The following NEURL1B variants were observed in gnomAD, a reference collection of about 807,000 sequenced individuals.
The protein encoded by NEURL1B is neuralized E3 ubiquitin protein ligase 1B, also known as E3 ubiquitin-protein ligase NEURL1B.
Under a neutral mutation model 37.4 loss-of-function variants are expected in NEURL1B, and 13 were observed. The ratio of observed to expected loss-of-function variants is 0.35; its 90% CI spans 0.23 to 0.55. The LOEUF (loss-of-function observed/expected upper bound fraction) is 0.55, where lower values mean the gene tolerates loss of function less well. Ranked by LOEUF, NEURL1B falls within the 20% of genes least tolerant of loss-of-function variation. NEURL1B has a pLI of 0.89. For synonymous variants in NEURL1B, 432 were observed against 426.6 expected (o/e 1.01, Z -0.16); for missense variants, 790 against 879.2 (o/e 0.90, Z 1.28).
intron 1 of NEURL1B, among the ~76,000 whole-genome samples, chr5:172,643,003 A>C (rs1561638930): frequency 6.6e-6 from 1 of 152,256 alleles, no homozygotes; most frequent in East Asian, 1.9e-4. Context: ...TATTCTAGTA[A>C]AAAGCCATTC....
intron 2 of NEURL1B, among the ~76,000 whole-genome samples, chr5:172,672,435 C>A (rs1192081009): frequency 6.6e-6 from 1 of 152,152 alleles, no homozygotes; most frequent in African/African-American, 2.4e-5. Flanking sequence ...CAAGAAATCA[C>A]AGCCACTCCA....
rs1037167393 is a variant in NEURL1B at position 172,647,215 on chromosome 5, C to T, written c.31+5778C>T. ...AGGGCTTAAAATAGAAGCCCAGAGGCCAGGTGTGTGGTTAGAGCTTAGAGC... is the reference window on the plus strand; with the variant it reads ...AGGGCTTAAAATAGAAGCCCAGAGGTCAGGTGTGTGGTTAGAGCTTAGAGC... On this transcript the variant is annotated intron_variant, in intron 1 of 4. Transcript: ENST00000369800. This position sits in a 1 kb window ranked among gnomAD's most constrained non-coding sequence, Gnocchi z 4.2. Among the ~76,000 whole-genome samples, 3 of 152,090 alleles carry T rather than the reference C, an allele frequency of 2.0e-5. No homozygotes were observed. Among genetic ancestry groups the T allele is most frequent in the African/African-American group, 7.2e-5 (3 of 41,406 alleles).
intron 1 of NEURL1B, among the ~76,000 whole-genome samples, chr5:172,652,142 G>T (rs935453349): frequency 3.3e-5 from 5 of 152,264 alleles, no homozygotes; most frequent in Admixed American, 6.5e-5. Context: ...GAGACACGAA[G>T]TGAACTTAGT....
chr5:172,656,764 G>T (rs966383850), intron 1 of NEURL1B: 7 of 745,076 alleles, frequency 9.4e-6, no homozygotes, highest in East Asian at 7.9e-5. Flanking sequence ...AGAAGGCAAA[G>T]AATTGAACAC....
chr5:172,642,040 A>G (rs930173074), intron 1 of NEURL1B, among the ~76,000 whole-genome samples: 3 of 152,144 alleles, frequency 2.0e-5, no homozygotes, highest in African/African-American at 7.2e-5. Context: ...CCCCCTAGTT[A>G]AAATCGCCCC....
intron 2 of NEURL1B, among the ~76,000 whole-genome samples, chr5:172,680,988 G>A (rs976189314): frequency 4.6e-5 from 7 of 152,334 alleles, no homozygotes; most frequent in Non-Finnish European, 5.9e-5. Context: ...CAGGAAGCAC[G>A]GCTGGGGAAG....
intron 2 of NEURL1B, among the ~76,000 whole-genome samples, chr5:172,672,540 T>TC (rs9313602): frequency 0.11 from 15,395 of 136,140 alleles, 1,961 homozygotes; most frequent in African/African-American, 0.31. Flanking sequence ...AGGTGAACTC[T>TC]CCCCCCCCCA....
intron 1 of NEURL1B, 23 bp from the exon 2 acceptor site, chr5:172,669,762 G>A (rs2113303949): frequency 2.3e-5 from 29 of 1,247,352 alleles, no homozygotes; most frequent in Non-Finnish European, 2.8e-5. Context: ...AGGCCTAACC[G>A]TGCTGCCTGT....
chr5:172,684,952 C>G (rs1248253831), intron 3 of NEURL1B, among the ~76,000 whole-genome samples: 3 of 152,218 alleles, frequency 2.0e-5, no homozygotes, highest in African/African-American at 7.2e-5. Context: ...AAGCAGTCAA[C>G]AGCTCATATG....
At chr5:172,649,969 G>C (rs1047571666) in intron 1 of NEURL1B, among the ~76,000 whole-genome samples, 37 of 112,794 alleles carry the variant, frequency 3.3e-4, no homozygotes, top group African/African-American at 1.0e-3. Flanking sequence ...TCTAGGCAAG[G>C]GGGGGAAAGT....
At position 172,686,159 on chromosome 5, in the gene NEURL1B, T is replaced by C; in HGVS notation, c.1298-12T>C. 1 of 1,551,344 alleles carries C rather than the reference T, an allele frequency of 6.4e-7. No homozygotes were observed. Among genetic ancestry groups the C allele is most frequent in the South Asian group, 1.2e-5 (1 of 84,036 alleles). Reference sequence around the variant, plus strand: ...CTTCCACTGCCCCTGATGGAATCTCTTTGGGCCTCAGGTACCCTGCAGTCC... The same window carrying C: ...CTTCCACTGCCCCTGATGGAATCTCCTTGGGCCTCAGGTACCCTGCAGTCC... On this transcript the variant is annotated splice_polypyrimidine_tract_variant and intron_variant, in intron 3 of 4. Transcript: ENST00000369800. This position sits in a 1 kb window ranked among gnomAD's most constrained non-coding sequence, Gnocchi z 7.9.
chr5:172,655,736 T>C (rs966238589), intron 1 of NEURL1B, among the ~76,000 whole-genome samples: 1 of 151,738 alleles, frequency 6.6e-6, no homozygotes, highest in Non-Finnish European at 1.5e-5. Flanking sequence ...TGTTTTTTTT[T>C]TTTTTTCCCT....
Position 172,670,112 on chromosome 5 carries a change from C to T in NEURL1B, c.359C>T (p.Pro120Leu). 6.6e-7 allele frequency: 1 copy of T among 1,521,664 alleles called. No individual in the cohort carries two copies. Among genetic ancestry groups the T allele is most frequent in the African/African-American group, 1.4e-5 (1 of 70,826 alleles). The allele number at this position is 1,521,664 out of a possible 1,614,324, so 94.3% of individuals were successfully genotyped here. The change falls in exon 2 of 5, where the codon CCG becomes CTG. Residue 120 changes from proline to leucine, a missense_variant. Coordinates refer to ENST00000369800, the MANE Select transcript of NEURL1B (RefSeq NM_001142651.3). ...SAQDIPKYAC[P>L]DLVTRPGYWA... ...CAGGACATCCCCAAGTACGCCTGCCCGGACCTGGTCACGCGGCCGGGCTAC... is the reference window on the plus strand; with the variant it reads ...CAGGACATCCCCAAGTACGCCTGCCTGGACCTGGTCACGCGGCCGGGCTAC...
chr5:172,646,440 G>T (rs1757561908), intron 1 of NEURL1B, among the ~76,000 whole-genome samples: 1 of 152,188 alleles, frequency 6.6e-6, no homozygotes. Context: ...TCCTTGCCTT[G>T]AAAACCCTGC....
Position 172,687,132 on chromosome 5 carries a change from G to T in NEURL1B, c.*207G>T, listed in dbSNP as rs77813823. On this transcript the variant is annotated 3_prime_UTR_variant, in exon 5 of 5. Coordinates refer to ENST00000369800, the MANE Select transcript of NEURL1B (RefSeq NM_001142651.3). Reference sequence around the variant, plus strand: ...CTCCAAAGTGCTTTGCCCCCAAAAGGCCGTCCCAAGAGCAAGCTCAGGAAC... The same window carrying T: ...CTCCAAAGTGCTTTGCCCCCAAAAGTCCGTCCCAAGAGCAAGCTCAGGAAC... 2 of 589,178 alleles carry T rather than the reference G, an allele frequency of 3.4e-6. No individual in the cohort carries two copies. Among genetic ancestry groups the T allele is most frequent in the African/African-American group, 3.7e-5 (2 of 53,802 alleles). The allele number at this position is 589,178 out of a possible 1,614,324, so 36.5% of individuals were successfully genotyped here.
intron 1 of NEURL1B, among the ~76,000 whole-genome samples, chr5:172,642,884 G>A (rs1757491699): frequency 6.6e-6 from 1 of 152,240 alleles, no homozygotes; most frequent in South Asian, 2.1e-4. Context: ...GGAGATATCT[G>A]GGGATGTTGG....
Position 172,670,066 on chromosome 5 carries a change from G to A in NEURL1B, c.313G>A (p.Asp105Asn). 2 of 1,522,040 alleles carry A rather than the reference G, an allele frequency of 1.3e-6. No homozygotes were observed. The allele number at this position is 1,522,040 out of a possible 1,614,324, so 94.3% of individuals were successfully genotyped here. ...GALRFGFTAH[D>N]PSLMSAQDIP... The stretch of plus-strand genomic sequence containing the variant: ...GCTGCGCTTCGGCTTCACCGCGCAC[G>A]ATCCGTCGCTCATGAGCGCCCAGGA... Residue 105 changes from aspartate (D) to asparagine (N), a missense_variant, in exon 2 of 5, where the codon GAT becomes AAT. Asp to Asn is a conservative substitution (Grantham distance 23). Around this residue, in one of 3 missense-constraint regions of NEURL1B, gnomAD observed 215 missense variants for 309.2 expected, o/e 0.70. Coordinates refer to ENST00000369800, the MANE Select transcript of NEURL1B (RefSeq NM_001142651.3).
chr5:172,655,702 T>C (rs1271249034), intron 1 of NEURL1B, among the ~76,000 whole-genome samples: 2 of 151,782 alleles, frequency 1.3e-5, no homozygotes, highest in Admixed American at 1.3e-4. Context: ...GAGGATCCTT[T>C]AAGCTAGGTT....
Position 172,683,723 on chromosome 5 carries a change from C to A in NEURL1B, c.882C>A (p.Ala294=), listed in dbSNP as rs775360346. ...ATRGPDVSLS[A]DRKVACAPRP... ...GCGGGCCCGACGTGAGCCTGTCGGC[C>A]GACCGCAAAGTGGCCTGCGCACCGC... is the stretch of plus-strand genomic sequence containing the variant. The change falls in exon 3 of 5, where the codon GCC becomes GCA. Residue 294 remains alanine, a synonymous_variant. Transcript: ENST00000369800. The surrounding 1 kb of genome is among the most constrained non-coding windows in gnomAD (Gnocchi z 5.6). 3 of 1,358,018 alleles carry A rather than the reference C, an allele frequency of 2.2e-6. No individual in the cohort carries two copies. Among genetic ancestry groups the A allele is most frequent in the South Asian group, 2.9e-5 (2 of 68,784 alleles). The allele number at this position is 1,358,018 out of a possible 1,614,324, so 84.1% of individuals were successfully genotyped here.
Sources: allele counts gnomAD v4.1 joint callset (sites outside exome capture counted in the v4.1 genomes callset), GRCh38; gene constraint gnomAD v4.1.1; regional missense constraint gnomAD v4.1.1; non-coding constraint Gnocchi (gnomAD v3.1); transcripts MANE v1.5; gene names NCBI Gene and HGNC (gene_info 2026-07-23, HGNC 2026-07-21).